Variants in IL7 observed in about 807,000 individuals in gnomAD.
IL7 encodes interleukin 7, also known as interleukin-7.
A neutral mutation model predicts 21.6 loss-of-function variants in IL7; 3 were observed. The ratio of observed to expected loss-of-function variants is 0.14; its 90% CI spans 0.06 to 0.36. IL7 has a LOEUF of 0.36. IL7 is among the 10% of genes least tolerant of loss of function. IL7 has a pLI of 1.00. For synonymous variants in IL7, 62 were observed against 68.1 expected (o/e 0.91, Z 0.44); for missense variants, 175 against 200.2 (o/e 0.87, Z 0.76).
At chr8:78,776,990 A>G (rs760066294) in intron 2 of IL7, among the ~76,000 whole-genome samples, 9 of 151,998 alleles carry the variant, frequency 5.9e-5, no homozygotes, top group Non-Finnish European at 8.8e-5. Context: ...TGACATTCCT[A>G]CTCTCACATT....
At chr8:78,758,958 T>C (rs1812446798) in intron 2 of IL7, among the ~76,000 whole-genome samples, 1 of 152,024 alleles carries the variant, frequency 6.6e-6, no homozygotes, top group African/African-American at 2.4e-5. Flanking sequence ...GGCATTTCCA[T>C]TTTCTTATTC....
intron 2 of IL7, among the ~76,000 whole-genome samples, chr8:78,768,340 C>T (rs1319994108): frequency 1.3e-5 from 2 of 151,610 alleles, no homozygotes; most frequent in Non-Finnish European, 2.9e-5. Context: ...CCTGAGGAAT[C>T]GCCACACTGA....
At chr8:78,777,283 C>T (rs769020682) in intron 2 of IL7, among the ~76,000 whole-genome samples, 1 of 151,970 alleles carries the variant, frequency 6.6e-6, no homozygotes. Context: ...CATCATTGTC[C>T]TCAAAGTTGA....
chr8:78,696,086 G>A (rs905910572), intron 3 of IL7, among the ~76,000 whole-genome samples: 5 of 151,756 alleles, frequency 3.3e-5, no homozygotes, highest in Admixed American at 1.3e-4. Context: ...CCAGGCTAGA[G>A]TGCAGTGGCG....
chr8:78,711,878 A>T, intron 3 of IL7: 1 of 519,368 alleles, frequency 1.9e-6, no homozygotes, highest in Non-Finnish European at 3.2e-6. Flanking sequence ...AGATAAAATT[A>T]AGGACTTGGG....
rs1036807732 is a variant in IL7, at chr8:78,676,092, A to T, written n.286T>A. The T allele has an allele frequency of 1.1e-5, 4 of 353,388 alleles. No homozygotes were observed. In the East Asian group the frequency reaches 1.7e-4, roughly 15 times the overall value. 21.9% of individuals were successfully genotyped at this position (353,388 alleles called of 1,614,324 possible). On this transcript the variant is annotated non_coding_transcript_exon_variant, in exon 5 of 5. Coordinates refer to the IL7 transcript ENST00000523959. ...CTGTTAAAGTTTAAAGGTATTCCTCATTTTACGAGACTCTTACCAAAAACA... is the reference window on the plus strand; with the variant it reads ...CTGTTAAAGTTTAAAGGTATTCCTCTTTTTACGAGACTCTTACCAAAAACA...
chr8:78,782,285 A>C (rs1291073026), intron 2 of IL7, among the ~76,000 whole-genome samples: 1 of 151,934 alleles, frequency 6.6e-6, no homozygotes, highest in Non-Finnish European at 1.5e-5. Flanking sequence ...TTTCAAGAAG[A>C]GGTACTCTGG....
chr8:78,789,673 T>G (rs1813622542), intron 2 of IL7, among the ~76,000 whole-genome samples: 1 of 152,170 alleles, frequency 6.6e-6, no homozygotes, highest in Non-Finnish European at 1.5e-5. Context: ...CACTGACAGC[T>G]GCAGAAGTGG....
intron 4 of IL7, among the ~76,000 whole-genome samples, chr8:78,677,896 C>T (rs1166945748): frequency 6.6e-6 from 1 of 152,150 alleles, no homozygotes; most frequent in Admixed American, 6.5e-5. Context: ...GCTGGTTGCC[C>T]ACTTTTATGG....
chr8:78,727,558 T>C (rs989728007), intron 3 of IL7, among the ~76,000 whole-genome samples: 5 of 152,030 alleles, frequency 3.3e-5, no homozygotes, highest in African/African-American at 1.2e-4. Flanking sequence ...GAAGTGGAAA[T>C]GTAGAAATGT....
intron 3 of IL7, chr8:78,698,657 C>CA: frequency 3.8e-6 from 2 of 522,402 alleles, no homozygotes; most frequent in Non-Finnish European, 6.2e-6. Context: ...GGAGCACACT[C>CA]ACTGCTGTTG....
chr8:78,735,276 C>CTTTTCT (rs1811536931), intron 5 of IL7, among the ~76,000 whole-genome samples: 1 of 78,518 alleles, frequency 1.3e-5, no homozygotes, highest in Admixed American at 1.5e-4. Context: ...CTTTTCTTTT[C>CTTTTCT]TTTTTTTTTT....
chr8:78,796,700 T>A (rs1247403971), intron 2 of IL7, among the ~76,000 whole-genome samples: 1 of 151,980 alleles, frequency 6.6e-6, no homozygotes, highest in Non-Finnish European at 1.5e-5. Context: ...GAAACAACAC[T>A]GAGATACTAT....
chr8:78,702,633 G>A (rs1810641947), intron 3 of IL7, among the ~76,000 whole-genome samples: 1 of 152,154 alleles, frequency 6.6e-6, no homozygotes, highest in Admixed American at 6.5e-5. Flanking sequence ...TGCCTTAGCT[G>A]TGTTCTAGAG....
chr8:78,772,630 G>A (rs909184211), intron 2 of IL7, among the ~76,000 whole-genome samples: 23 of 152,190 alleles, frequency 1.5e-4, no homozygotes, highest in Middle Eastern at 3.4e-3. Flanking sequence ...CAATTTTACC[G>A]TAGGTTAATT....
In IL7 at chr8:78,733,669, G is replaced by C; in HGVS notation, c.*44C>G. 3.2e-6 allele frequency: 5 copies of C among 1,578,472 alleles called. No homozygotes were observed. Among genetic ancestry groups the C allele is most frequent in the Non-Finnish European group, 2.6e-6 (3 of 1,164,092 alleles). On this transcript the variant is annotated 3_prime_UTR_variant, in exon 6 of 6. Transcript: ENST00000263851. ...TGCATAAGCAGATAGATTCTTGGAG[G>C]ATGCAGCTAAAGTTCGTGTTTCTAT...
At chr8:78,729,384 G>C (rs981438267), downstream of IL7, among the ~76,000 whole-genome samples, 32 of 151,982 alleles carry the variant, frequency 2.1e-4, no homozygotes, top group African/African-American at 7.5e-4. Context: ...TTTGTGTTGC[G>C]TCTTCCCAAT....
chr8:78,768,718 T>G (rs1478380149), intron 2 of IL7, among the ~76,000 whole-genome samples: 7 of 151,650 alleles, frequency 4.6e-5, no homozygotes, highest in African/African-American at 9.7e-5. Context: ...CCATTTTGTA[T>G]GTTGCCTGTT....
chr8:78,795,888 T>A (rs1012431934), intron 2 of IL7, among the ~76,000 whole-genome samples: 3 of 152,026 alleles, frequency 2.0e-5, no homozygotes, highest in Non-Finnish European at 2.9e-5. Context: ...CTTTTTAGTT[T>A]CCATATTCCT....
Sources: gnomAD v4.1 joint callset for allele counts (sites outside exome capture counted in the v4.1 genomes callset) on GRCh38, gnomAD v4.1.1 for gene constraint, MANE v1.5 for transcripts, NCBI Gene and HGNC (gene_info 2026-07-23, HGNC 2026-07-21) for gene names.